MSRA: variants seen among roughly 807,000 people sequenced by gnomAD.
MSRA encodes the protein methionine sulfoxide reductase A, also known as mitochondrial peptide methionine sulfoxide reductase.
A neutral mutation model predicts 31.3 loss-of-function variants in MSRA; 54 were observed. That is an observed-to-expected ratio of 1.73 (90% CI 1.39 to 2.17). The LOEUF (loss-of-function observed/expected upper bound fraction) is 2.17. Ranked by LOEUF, MSRA falls within the 30% of genes most tolerant of loss-of-function variation. The probability of loss-of-function intolerance (pLI) is 0.00; values close to 1 mark genes in which losing one functional copy is unlikely to be tolerated. For synonymous variants in MSRA, 169 were observed against 116.5 expected (o/e 1.45, Z -2.90); for missense variants, 507 against 300.9 (o/e 1.69, Z -5.07).
chr8:10,311,480 C>T (rs1371270243), intron 4 of MSRA, among the ~76,000 whole-genome samples: 2 of 149,708 alleles, frequency 1.3e-5, no homozygotes, highest in African/African-American at 4.9e-5. Flanking sequence ...CCTGGGGGGG[C>T]GCCTTCTTCT....
intron 5 of MSRA, among the ~76,000 whole-genome samples, chr8:10,387,980 A>G (rs1200458515): frequency 6.6e-6 from 1 of 152,210 alleles, no homozygotes; most frequent in Non-Finnish European, 1.5e-5. Flanking sequence ...TCTGAGCCCC[A>G]ACATCATAGT....
At chr8:10,313,535 G>A (rs1223415933) in intron 4 of MSRA, among the ~76,000 whole-genome samples, 6 of 151,858 alleles carry the variant, frequency 4.0e-5, no homozygotes, top group Non-Finnish European at 5.9e-5. Flanking sequence ...TTAGGCAGCT[G>A]GAAGATCTAA....
At position 10,165,201 on chromosome 8, in the gene MSRA, C is replaced by T. The variant is rs10094768; in HGVS notation, c.143-42632C>T. Among the ~76,000 whole-genome samples the T allele has an allele frequency of 2.9e-3, 444 of 152,282 alleles. 2 individuals are homozygous for T. Among genetic ancestry groups the T allele is most frequent in the African/African-American group, 9.7e-3 (402 of 41,554 alleles). On this transcript the variant is annotated intron_variant, in intron 1 of 5. Coordinates refer to ENST00000317173, the MANE Select transcript of MSRA (RefSeq NM_012331.5). ...CAGCTGGCCGCCTTTTTGCTTTATA[C>T]GTTTTGAGCTGCTGGCTTCTAATTA...
intron 1 of MSRA, among the ~76,000 whole-genome samples, chr8:10,154,347 G>C (rs13281788): frequency 0.22 from 33,950 of 151,686 alleles, 4,423 homozygotes; most frequent in East Asian, 0.5. Flanking sequence ...ATGGAAGGCT[G>C]AAGGACACAT....
intron 1 of MSRA, among the ~76,000 whole-genome samples, chr8:10,071,326 C>A (rs529910267): frequency 2.6e-5 from 4 of 152,100 alleles, no homozygotes; most frequent in Non-Finnish European, 4.4e-5. Flanking sequence ...CTTTGGTAGA[C>A]GTTAAACATT....
chr8:10,077,312 C>A (rs1311753715), intron 1 of MSRA, among the ~76,000 whole-genome samples: 1 of 151,958 alleles, frequency 6.6e-6, no homozygotes, highest in Non-Finnish European at 1.5e-5. Flanking sequence ...AACAGCTTGG[C>A]TGGAAATAAG....
intron 5 of MSRA, among the ~76,000 whole-genome samples, chr8:10,356,834 G>A (rs560558922): frequency 1.4e-5 from 2 of 145,396 alleles, no homozygotes; most frequent in East Asian, 2.0e-4. Context: ...ACGGCAGCCC[G>A]AACAGATCAA....
At chr8:10,427,153 G>T (rs1156493893) in intron 5 of MSRA, among the ~76,000 whole-genome samples, 1 of 152,164 alleles carries the variant, frequency 6.6e-6, no homozygotes, top group Admixed American at 6.5e-5. Flanking sequence ...TGGTCCCCTC[G>T]TGAAAACATG....
intron 1 of MSRA, among the ~76,000 whole-genome samples, chr8:10,089,845 A>T (rs1465013343): frequency 6.6e-6 from 1 of 152,320 alleles, no homozygotes; most frequent in African/African-American, 2.4e-5. Flanking sequence ...CTTTAGAAAC[A>T]GTCCCGTTTC....
chr8:10,125,871 T>A (rs1017642715), intron 1 of MSRA, among the ~76,000 whole-genome samples: 2 of 150,306 alleles, frequency 1.3e-5, no homozygotes, highest in Admixed American at 6.7e-5. Context: ...TCATCCTTTA[T>A]TAGGCTCCTA....
intron 1 of MSRA, among the ~76,000 whole-genome samples, chr8:10,075,154 G>C (rs1471765): frequency 0.67 from 102,175 of 152,120 alleles, 36,424 homozygotes; most frequent in East Asian, 0.79. Context: ...TCTGTTTTCT[G>C]TATAATGGCA....
chr8:10,138,449 C>G (rs771597271), intron 1 of MSRA, among the ~76,000 whole-genome samples: 1 of 152,182 alleles, frequency 6.6e-6, no homozygotes, highest in Non-Finnish European at 1.5e-5. Context: ...ACGGGACACA[C>G]ACAGCCCACC....
rs192216626 is a variant in MSRA, at chr8:10,124,166, C to T, written c.142+69508C>T. On this transcript the variant is annotated intron_variant, in intron 1 of 5. Transcript: ENST00000317173. ...ACATAGAGGCAAAGGGGTTTCAAGA[C>T]CTTCTTTGGGGACATTGAGACCACC... Among the ~76,000 whole-genome samples the T allele has an allele frequency of 1.5e-3, 234 of 152,176 alleles. 2 individuals are homozygous for T. The highest frequency in any genetic ancestry group is 4.4e-3 in the African/African-American group (182 of 41,534).
intron 1 of MSRA, chr8:10,095,662 CG>C: frequency 1.0e-6 from 1 of 1,002,330 alleles, no homozygotes; most frequent in Admixed American, 6.0e-5. Context: ...TCTGCTTTCT[CG>C]GCTTGAGCTT....
At chr8:10,237,104 G>A (rs1563253430) in intron 2 of MSRA, among the ~76,000 whole-genome samples, 3 of 152,208 alleles carry the variant, frequency 2.0e-5, no homozygotes, top group Admixed American at 1.3e-4. Flanking sequence ...GTAATATTCT[G>A]AACTAGTTAA....
chr8:10,308,227 C>G (rs1801245499), intron 4 of MSRA, among the ~76,000 whole-genome samples: 1 of 152,234 alleles, frequency 6.6e-6, no homozygotes, highest in South Asian at 2.1e-4. Context: ...TATGTCTTGA[C>G]TAACACAGCC....
chr8:10,258,878 G>A (rs1035028794), intron 3 of MSRA, among the ~76,000 whole-genome samples: 19 of 152,230 alleles, frequency 1.2e-4, no homozygotes, highest in Admixed American at 1.1e-3. Context: ...AGGCCAAGGC[G>A]GGCAGATCGC....
intron 5 of MSRA, among the ~76,000 whole-genome samples, chr8:10,351,055 GCTGC>G (rs1003848632): frequency 2.6e-5 from 4 of 152,306 alleles, no homozygotes; most frequent in African/African-American, 9.6e-5. Flanking sequence ...CCTCGTTTAA[GCTGC>G]CTATGCAGCA....
chr8:10,417,173 C>T (rs1808511611), intron 5 of MSRA, among the ~76,000 whole-genome samples: 1 of 152,162 alleles, frequency 6.6e-6, no homozygotes, highest in African/African-American at 2.4e-5. Context: ...TCTCTCCTTT[C>T]CCTCCCAATG....
Sources: allele counts gnomAD v4.1 joint callset (sites outside exome capture counted in the v4.1 genomes callset), GRCh38; gene constraint gnomAD v4.1.1; transcripts MANE v1.5; gene names NCBI Gene and HGNC (gene_info 2026-07-23, HGNC 2026-07-21).